Variants in TATDN2 observed in about 807,000 individuals in gnomAD.
TATDN2 encodes the protein TatD DNase domain containing 2.
TATDN2 carries 44 observed loss-of-function variants against 60.3 expected under a neutral mutation model. The ratio of observed to expected loss-of-function variants is 0.73; its 90% CI spans 0.57 to 0.94. TATDN2 has a LOEUF of 0.94. TATDN2 is among the 40% of genes least tolerant of loss of function. TATDN2 has a pLI of 0.00. For synonymous variants in TATDN2, 399 were observed against 355.8 expected (o/e 1.12, Z -1.37); for missense variants, 997 against 948.0 (o/e 1.05, Z -0.68).
Position 10,249,607 on chromosome 3 carries a change from G to A in TATDN2, c.407G>A (p.Ser136Asn), listed in dbSNP as rs1263546672. ...EMASLEEEAC[S>N]LKVDSKDSSH... ...GCTTCTCTAGAGGAGGAAGCCTGCA[G>A]CCTTAAGGTAGGTGGCTGCCACGCT... Residue 136 changes from serine (S) to asparagine (N), a missense_variant, in exon 2 of 8, where the codon AGC becomes AAC. Ser to Asn is a conservative substitution (Grantham distance 46). Coordinates refer to ENST00000448281, the MANE Select transcript of TATDN2 (RefSeq NM_014760.4). 2.5e-5 allele frequency: 37 copies of A among 1,508,864 alleles called. No homozygotes were observed. The South Asian group carries it at 3.5e-4, about 14-fold the overall frequency. 93.5% of individuals were successfully genotyped at this position (1,508,864 alleles called of 1,614,324 possible).
chr3:10,258,601 T>C (rs1211623372), intron 2 of TATDN2, among the ~76,000 whole-genome samples: 1 of 151,952 alleles, frequency 6.6e-6, no homozygotes, highest in African/African-American at 2.4e-5. Flanking sequence ...CCTGAGTAAG[T>C]GGGATTACAG....
chr3:10,277,364 G>A (rs569921942), intron 5 of TATDN2, among the ~76,000 whole-genome samples: 2 of 152,298 alleles, frequency 1.3e-5, no homozygotes, highest in South Asian at 4.1e-4. Flanking sequence ...CAGGAGACAG[G>A]TTGGATGGTG....
intron 3 of TATDN2, among the ~76,000 whole-genome samples, chr3:10,266,392 G>A (rs772906059): frequency 3.9e-5 from 6 of 152,144 alleles, no homozygotes; most frequent in African/African-American, 9.7e-5. Flanking sequence ...CGACAATTAG[G>A]TTTTCTCTTA....
intron 4 of TATDN2, among the ~76,000 whole-genome samples, chr3:10,273,453 GGAA>G (rs1297768780): frequency 3.9e-5 from 6 of 152,158 alleles, no homozygotes; most frequent in African/African-American, 7.2e-5. Flanking sequence ...TCTTGTGAAG[GGAA>G]GAAGAAGAAC....
intron 5 of TATDN2, among the ~76,000 whole-genome samples, chr3:10,277,341 C>T (rs1005356491): frequency 1.3e-5 from 2 of 152,172 alleles, no homozygotes; most frequent in African/African-American, 2.4e-5. Flanking sequence ...CTGGGGACAT[C>T]TGGAGGTGCT....
At chr3:10,267,869 T>C (rs183900766) in intron 3 of TATDN2, among the ~76,000 whole-genome samples, 2 of 152,270 alleles carry the variant, frequency 1.3e-5, no homozygotes, top group Non-Finnish European at 2.9e-5. Flanking sequence ...AGTTCCAATA[T>C]GTTTCACTAG....
Position 10,276,823 on chromosome 3 carries a change from G to A in TATDN2, c.1961+335G>A, listed in dbSNP as rs1459099121. ...AGGCTGGTCCCGAACTCCTGACCTC[G>A]TGATCTGCCTGCCTCGGCCTCCCAA... is the stretch of plus-strand genomic sequence containing the variant. On this transcript the variant is annotated intron_variant, in intron 5 of 7. Transcript: ENST00000448281. Among the ~76,000 whole-genome samples the A allele has an allele frequency of 3.3e-5, 5 of 152,112 alleles. No homozygotes were observed. The South Asian group carries it at 6.2e-4, about 19-fold the overall frequency.
chr3:10,268,762 C>A (rs765699718), intron 3 of TATDN2, among the ~76,000 whole-genome samples: 3 of 152,130 alleles, frequency 2.0e-5, no homozygotes, highest in Non-Finnish European at 4.4e-5. Flanking sequence ...AGCAGATATT[C>A]ATGAGCACTC....
In TATDN2 at chr3:10,278,917, G is replaced by A. The variant is rs772113466; in HGVS notation, c.2178G>A (p.Pro726=). The A allele has an allele frequency of 2.2e-5, 35 of 1,613,260 alleles. No individual in the cohort carries two copies. The highest frequency in any genetic ancestry group is 7.7e-5 in the South Asian group (7 of 90,942). ...AAAGCCTTTGCCAGTATGCCCACCC[G>A]GGCCTGGCCTTGCATACGGTCCGAG... ...VPKSLCQYAH[P]GLALHTVREI... is the part of the protein sequence containing the mutation. The change falls in exon 7 of 8, where the codon CCG becomes CCA. Residue 726 remains proline, a synonymous_variant. Transcript: ENST00000448281. This position sits in a 1 kb window ranked among gnomAD's most constrained non-coding sequence, Gnocchi z 4.7.
Position 10,278,789 on chromosome 3 carries a change from A to G in TATDN2, c.2146-96A>G. 1 of 1,579,654 alleles carries G rather than the reference A, an allele frequency of 6.3e-7. No individual in the cohort carries two copies. The highest frequency in any genetic ancestry group is 8.6e-7 in the Non-Finnish European group (1 of 1,157,902). On this transcript the variant is annotated intron_variant, in intron 6 of 7. Coordinates refer to ENST00000448281, the MANE Select transcript of TATDN2 (RefSeq NM_014760.4). This position sits in a 1 kb window ranked among gnomAD's most constrained non-coding sequence, Gnocchi z 4.7. ...AAGGGGTCTCTACAGGGCAGCCCCA[A>G]AGAGGTCCTTGCTGGGGAAGGGACA...
chr3:10,260,196 G>GCTGAA lies in TATDN2; in HGVS notation c.474_475insCTGAA (p.Gly159LeufsTer29). 1 of 1,614,096 alleles carries GCTGAA rather than the reference G, an allele frequency of 6.2e-7. No individual in the cohort carries two copies. The highest frequency in any genetic ancestry group is 1.7e-5 in the Admixed American group (1 of 60,006). ...ACTCTGAATTTGCAGCTGAAGCTGA[G>GCTGAA]GGTCAGAATGATACAATTGAGGAAC... On this transcript the variant is annotated frameshift_variant, in exon 3 of 8. Coordinates refer to ENST00000448281, the MANE Select transcript of TATDN2 (RefSeq NM_014760.4). LOFTEE classifies it high-confidence loss of function.
At chr3:10,252,556 G>A (rs1313658200) in intron 2 of TATDN2, among the ~76,000 whole-genome samples, 2 of 152,054 alleles carry the variant, frequency 1.3e-5, no homozygotes, top group Non-Finnish European at 2.9e-5. Context: ...CCCTTGCTCT[G>A]TGGTCATCTG....
Position 10,270,886 on chromosome 3 carries a change from A to G in TATDN2, c.1704A>G (p.Ala568=). The change falls in exon 4 of 8, where the codon GCA becomes GCG. Residue 568 remains alanine (A), a synonymous_variant. Coordinates refer to ENST00000448281, the MANE Select transcript of TATDN2 (RefSeq NM_014760.4). The part of the protein sequence containing the change: ...WGAFGCHPHF[A]RYYSESQERN... Reference sequence around the variant, plus strand: ...CCTTTGGCTGTCACCCTCATTTTGCACGTTACTACAGTGAGAGTCAAGAAA... The same window carrying G: ...CCTTTGGCTGTCACCCTCATTTTGCGCGTTACTACAGTGAGAGTCAAGAAA... 6.2e-7 allele frequency: 1 copy of G among 1,614,194 alleles called. No homozygotes were observed. Among genetic ancestry groups the G allele is most frequent in the Non-Finnish European group, 8.5e-7 (1 of 1,180,032 alleles).
At chr3:10,266,587 G>A (rs937506076) in intron 3 of TATDN2, among the ~76,000 whole-genome samples, 2 of 152,168 alleles carry the variant, frequency 1.3e-5, no homozygotes, top group African/African-American at 4.8e-5. Flanking sequence ...CTTGTAAAAA[G>A]CTAATACAGG....
chr3:10,255,469 A>C (rs1305411120), intron 2 of TATDN2, among the ~76,000 whole-genome samples: 1 of 152,154 alleles, frequency 6.6e-6, no homozygotes, highest in Non-Finnish European at 1.5e-5. Flanking sequence ...CACTTCTGTA[A>C]ATTGTAAATC....
At chr3:10,257,739 C>T (rs1168851341) in intron 2 of TATDN2, among the ~76,000 whole-genome samples, 2 of 151,220 alleles carry the variant, frequency 1.3e-5, no homozygotes, top group African/African-American at 4.9e-5. Flanking sequence ...CAAACACCAC[C>T]TTTCCTATTC....
chr3:10,276,230 T>C lies in TATDN2; in HGVS notation c.1834-131T>C, dbSNP rs374774329. 2,147 of 1,164,902 alleles carry C rather than the reference T, an allele frequency of 1.8e-3. 7 individuals are homozygous for C. The highest frequency in any genetic ancestry group is 4.0e-3 in the South Asian group (268 of 66,204). 72.2% of individuals were successfully genotyped at this position (1,164,902 alleles called of 1,614,324 possible). ...CTCTATTGTAAGTGACCAATAATCA[T>C]TAGCTATTATTACATTATATAGTTA... On this transcript the variant is annotated intron_variant, in intron 4 of 7. Coordinates refer to ENST00000448281, the MANE Select transcript of TATDN2 (RefSeq NM_014760.4).
intron 5 of TATDN2, among the ~76,000 whole-genome samples, chr3:10,277,590 C>T (rs3774202): frequency 0.086 from 13,145 of 152,252 alleles, 784 homozygotes; most frequent in East Asian, 0.25. Flanking sequence ...CTGTCAGGGC[C>T]TTTGGGTACC....
chr3:10,259,348 G>C (rs765569433), intron 2 of TATDN2, among the ~76,000 whole-genome samples: 1 of 152,266 alleles, frequency 6.6e-6, no homozygotes, highest in African/African-American at 2.4e-5. Flanking sequence ...ATGCAAATGG[G>C]ATAATGGTTT....
Sources: gnomAD v4.1 joint callset for allele counts (sites outside exome capture counted in the v4.1 genomes callset) on GRCh38, gnomAD v4.1.1 for gene constraint, Gnocchi (gnomAD v3.1) non-coding constraint, MANE v1.5 for transcripts, NCBI Gene and HGNC (gene_info 2026-07-23, HGNC 2026-07-21) for gene names.